DLGAP2: variants seen among roughly 807,000 people sequenced by gnomAD.
DLGAP2 encodes the protein disks large-associated protein 2.
A neutral mutation model predicts 100.3 loss-of-function variants in DLGAP2; 26 were observed. The observed-to-expected ratio is 0.26, with a 90% CI of 0.19 to 0.36. The LOEUF is 0.36. DLGAP2 is among the 10% of genes least tolerant of loss of function. The pLI is 1.00. For synonymous variants in DLGAP2, 886 were observed against 630.1 expected (o/e 1.41, Z -6.08); for missense variants, 1,858 against 1,453.2 (o/e 1.28, Z -4.53).
At chr8:1,429,692 C>G (rs111850721) in intron 3 of DLGAP2, among the ~76,000 whole-genome samples, 74 of 151,990 alleles carry the variant, frequency 4.9e-4, no homozygotes, top group African/African-American at 1.7e-3. Flanking sequence ...GAGCCTGCAG[C>G]AGGCACATGG....
intron 10 of DLGAP2, among the ~76,000 whole-genome samples, chr8:1,670,963 C>G (rs1798676228): frequency 6.6e-6 from 1 of 152,210 alleles, no homozygotes; most frequent in Non-Finnish European, 1.5e-5. Flanking sequence ...CAGGAGGTGA[C>G]AGGCTGGGAC....
chr8:816,198 C>T (rs1324612803), intron 1 of DLGAP2, among the ~76,000 whole-genome samples: 2 of 151,138 alleles, frequency 1.3e-5, no homozygotes, highest in East Asian at 1.9e-4. Context: ...ACATTTAGTA[C>T]ATTTACATTC....
chr8:1,206,223 C>G (rs189295817), intron 2 of DLGAP2, among the ~76,000 whole-genome samples: 1 of 152,316 alleles, frequency 6.6e-6, no homozygotes, highest in Admixed American at 6.5e-5. Context: ...GTTTGAGCAC[C>G]ACAGTCTCTT....
chr8:1,006,322 G>A lies in DLGAP2; in HGVS notation c.73+98356G>A, dbSNP rs149697956. 3.5e-3 allele frequency among the ~76,000 whole-genome samples: 531 copies of A among 152,196 alleles called. 1 individual carries two copies. The highest frequency in any genetic ancestry group is 0.017 in the Middle Eastern group (5 of 294). On this transcript the variant is annotated intron_variant, in intron 2 of 14. Transcript: ENST00000637795. ...CCATGTGTCTGAAGTCTCAGAATAC[G>A]GTCCTTTATCACGTCAGGGGTGCCC...
chr8:833,610 C>T lies in DLGAP2; in HGVS notation c.19-74302C>T, dbSNP rs556410998. Among the ~76,000 whole-genome samples, 38 of 152,300 alleles carry T rather than the reference C, an allele frequency of 2.5e-4. 1 individual carries two copies. The South Asian group carries it at 7.9e-3, about 32-fold the overall frequency. ...TGGGCCATGGCTAGTCCAGGATCAC[C>T]CCTGTCTCATCTCAGGACCCTCGGC... is the stretch of plus-strand genomic sequence containing the variant. On this transcript the variant is annotated intron_variant, in intron 1 of 14. Coordinates refer to ENST00000637795, the MANE Select transcript of DLGAP2 (RefSeq NM_001346810.2).
At chr8:860,263 G>T (rs1438735831) in intron 1 of DLGAP2, among the ~76,000 whole-genome samples, 2 of 152,132 alleles carry the variant, frequency 1.3e-5, no homozygotes, top group African/African-American at 4.8e-5. Flanking sequence ...TGGGGTTTTG[G>T]GATGACACCC....
At chr8:905,352 A>G (rs1798356168) in intron 1 of DLGAP2, among the ~76,000 whole-genome samples, 1 of 152,112 alleles carries the variant, frequency 6.6e-6, no homozygotes, top group African/African-American at 2.4e-5. Context: ...ACTTGGCTCC[A>G]TGAGAATGGA....
chr8:1,332,653 T>C (rs1156541421), intron 3 of DLGAP2, among the ~76,000 whole-genome samples: 1 of 152,148 alleles, frequency 6.6e-6, no homozygotes, highest in African/African-American at 2.4e-5. Context: ...CTGGCTGGCC[T>C]TTGGCCTCCA....
chr8:1,413,623 A>C (rs1368046471), intron 3 of DLGAP2, among the ~76,000 whole-genome samples: 1 of 152,240 alleles, frequency 6.6e-6, no homozygotes, highest in East Asian at 1.9e-4. Flanking sequence ...CTCTGGATGG[A>C]GGAATAATAT....
intron 3 of DLGAP2, among the ~76,000 whole-genome samples, chr8:1,276,461 G>GA (rs1290567827): frequency 6.6e-6 from 1 of 152,116 alleles, no homozygotes; most frequent in Non-Finnish European, 1.5e-5. Flanking sequence ...AGGGTGAGGG[G>GA]GGACGGGAGG....
intron 8 of DLGAP2, among the ~76,000 whole-genome samples, chr8:1,665,639 T>C (rs1798525137): frequency 6.6e-6 from 1 of 152,218 alleles, no homozygotes; most frequent in Admixed American, 6.5e-5. Context: ...TTCTTCGGAA[T>C]CAATATTTCT....
intron 2 of DLGAP2, among the ~76,000 whole-genome samples, chr8:1,228,190 C>T (rs539259611): frequency 2.4e-4 from 36 of 151,826 alleles, no homozygotes; most frequent in African/African-American, 7.5e-4. Flanking sequence ...AACAAACCTG[C>T]ACGTTGTGCA....
At chr8:1,146,231 C>G (rs188288526) in intron 2 of DLGAP2, among the ~76,000 whole-genome samples, 2 of 152,184 alleles carry the variant, frequency 1.3e-5, no homozygotes, top group Non-Finnish European at 2.9e-5. Flanking sequence ...CCTGGATGCT[C>G]GGTCACCTCG....
At chr8:1,120,597 T>C (rs1796014588) in intron 2 of DLGAP2, among the ~76,000 whole-genome samples, 1 of 151,300 alleles carries the variant, frequency 6.6e-6, no homozygotes, top group South Asian at 2.1e-4. Context: ...TGACCACCCA[T>C]CCTTGCCCAT....
intron 1 of DLGAP2, among the ~76,000 whole-genome samples, chr8:781,072 A>G (rs1454449698): frequency 2.0e-5 from 3 of 152,234 alleles, no homozygotes; most frequent in Non-Finnish European, 4.4e-5. Flanking sequence ...ATATGTATAG[A>G]TAACCCCTTT....
intron 3 of DLGAP2, among the ~76,000 whole-genome samples, chr8:1,420,901 G>C (rs1360146508): frequency 6.6e-6 from 1 of 152,176 alleles, no homozygotes; most frequent in African/African-American, 2.4e-5. Flanking sequence ...TGCAGGTGTG[G>C]CAAGGGTCTT....
intron 3 of DLGAP2, among the ~76,000 whole-genome samples, chr8:1,413,463 T>A (rs2129892568): frequency 6.6e-6 from 1 of 152,334 alleles, no homozygotes; most frequent in Admixed American, 6.5e-5. Context: ...CAAAAGTCAC[T>A]ATGCATATTT....
rs569325733 is a variant in DLGAP2 at position 1,272,618 on chromosome 8, G to A, written c.106+13735G>A. On this transcript the variant is annotated intron_variant, in intron 3 of 14. Transcript: ENST00000637795. Reference sequence around the variant, plus strand: ...CAAAGCAATGCAAATGATTTCAGCTGTGGAAGGGAATAATCAAGTGTGAAG... The same window carrying A: ...CAAAGCAATGCAAATGATTTCAGCTATGGAAGGGAATAATCAAGTGTGAAG... 6.6e-5 allele frequency among the ~76,000 whole-genome samples: 10 copies of A among 152,258 alleles called. No individual in the cohort carries two copies. In the South Asian group the frequency reaches 2.1e-3, roughly 32 times the overall value.
intron 2 of DLGAP2, among the ~76,000 whole-genome samples, chr8:1,009,949 G>A (rs1801228080): frequency 6.6e-6 from 1 of 152,214 alleles, no homozygotes. Flanking sequence ...TTGCACAGTT[G>A]ATTGAAACAA....
Sources: gnomAD v4.1 joint callset for allele counts (sites outside exome capture counted in the v4.1 genomes callset) on GRCh38, gnomAD v4.1.1 for gene constraint, MANE v1.5 for transcripts, NCBI Gene and HGNC (gene_info 2026-07-23, HGNC 2026-07-21) for gene names.